The following ADAMTSL1 variants were observed in gnomAD, a reference collection of about 807,000 sequenced individuals.
The protein encoded by ADAMTSL1 is ADAMTS like 1, also known as ADAMTS-like protein 1.
A neutral mutation model predicts 201.8 loss-of-function variants in ADAMTSL1; 126 were observed. That is an observed-to-expected ratio of 0.62 (90% CI 0.54 to 0.72). ADAMTSL1 has a LOEUF of 0.72. Among genes scored for constraint, ADAMTSL1 ranks in the 30% least tolerant of loss-of-function variants. The probability of loss-of-function intolerance (pLI) is 0.00; values close to 1 mark genes in which losing one functional copy is unlikely to be tolerated. For missense variants in ADAMTSL1, 2,679 were observed against 2,277.8 expected, an observed-to-expected ratio of 1.18 and a Z score of -3.59; for synonymous variants, 1,121 against 903.4, an observed-to-expected ratio of 1.24 and a Z score of -4.32.
chr9:18,075,698 A>G (rs1255075266), intron 1 of ADAMTSL1, among the ~76,000 whole-genome samples: 1 of 152,208 alleles, frequency 6.6e-6, no homozygotes, highest in Non-Finnish European at 1.5e-5. Flanking sequence ...GAAAGAAAGT[A>G]ACATCCTTGG....
At chr9:18,281,943 G>A (rs10810943) in intron 2 of ADAMTSL1, among the ~76,000 whole-genome samples, 106,712 of 152,108 alleles carry the variant, frequency 0.7, 37,572 homozygotes, top group South Asian at 0.79. Context: ...TCTTTGACCC[G>A]TAGGTTATTT....
chr9:18,096,383 G>C (rs899425385), intron 1 of ADAMTSL1, among the ~76,000 whole-genome samples: 4 of 151,926 alleles, frequency 2.6e-5, no homozygotes, highest in African/African-American at 7.3e-5. Context: ...CATTTCTTTA[G>C]ACCAACATTG....
At chr9:18,275,720 C>A (rs1832561342) in intron 2 of ADAMTSL1, among the ~76,000 whole-genome samples, 1 of 152,038 alleles carries the variant, frequency 6.6e-6, no homozygotes, top group African/African-American at 2.4e-5. Flanking sequence ...AGTAGTATTT[C>A]ATTGTTTAGA....
At chr9:18,187,778 T>C (rs1828803320) in intron 2 of ADAMTSL1, among the ~76,000 whole-genome samples, 1 of 152,020 alleles carries the variant, frequency 6.6e-6, no homozygotes, top group Non-Finnish European at 1.5e-5. Flanking sequence ...GGAAGGAAAA[T>C]GAAAGTTATT....
At chr9:18,607,623 A>G (rs890531242) in intron 4 of ADAMTSL1, among the ~76,000 whole-genome samples, 2 of 152,160 alleles carry the variant, frequency 1.3e-5, no homozygotes, top group African/African-American at 4.8e-5. Flanking sequence ...CATGTGCACA[A>G]CATGCAGGTT....
chr9:18,365,376 T>G (rs919666057), intron 2 of ADAMTSL1, among the ~76,000 whole-genome samples: 3 of 152,172 alleles, frequency 2.0e-5, no homozygotes, highest in Non-Finnish European at 4.4e-5. Context: ...TGCATTCATA[T>G]GTAGAAAAAC....
intron 2 of ADAMTSL1, among the ~76,000 whole-genome samples, chr9:18,310,445 T>C (rs1834101128): frequency 7.0e-6 from 1 of 142,520 alleles, no homozygotes; most frequent in African/African-American, 2.6e-5. Flanking sequence ...GAGAAAAATT[T>C]TGCAATCTAT....
At chr9:18,533,107 A>G (rs1046068204) in intron 2 of ADAMTSL1, 140 bp from the exon 3 acceptor site, 6 of 554,850 alleles carry the variant, frequency 1.1e-5, no homozygotes, top group Non-Finnish European at 1.8e-5. Flanking sequence ...TTGATTTTTA[A>G]TAGTAAACCC....
At chr9:18,396,297 C>A (rs887416078) in intron 2 of ADAMTSL1, among the ~76,000 whole-genome samples, 2 of 152,038 alleles carry the variant, frequency 1.3e-5, no homozygotes, top group Admixed American at 1.3e-4. Flanking sequence ...TGTCAGGGTG[C>A]CCCCTCCTGG....
intron 23 of ADAMTSL1, among the ~76,000 whole-genome samples, chr9:18,879,417 G>C (rs1828384417): frequency 6.6e-6 from 1 of 152,058 alleles, no homozygotes; most frequent in African/African-American, 2.4e-5. Context: ...ACTGATCTTA[G>C]CCTTGATAAG....
intron 1 of ADAMTSL1, among the ~76,000 whole-genome samples, chr9:18,162,642 C>T (rs1389523280): frequency 6.6e-6 from 1 of 151,858 alleles, no homozygotes; most frequent in Admixed American, 6.6e-5. Context: ...TTCCAAAAGA[C>T]ATACGGTTTA....
At chr9:18,151,163 TA>T (rs1826893446) in intron 1 of ADAMTSL1, among the ~76,000 whole-genome samples, 1 of 152,052 alleles carries the variant, frequency 6.6e-6, no homozygotes, top group South Asian at 2.1e-4. Flanking sequence ...TCTGTGACCT[TA>T]ATGCATGATC....
intron 4 of ADAMTSL1, among the ~76,000 whole-genome samples, chr9:18,579,351 G>C (rs1453166418): frequency 8.0e-6 from 1 of 124,776 alleles, no homozygotes; most frequent in Non-Finnish European, 1.7e-5. Context: ...GTGGTGGGGA[G>C]GGGGGAGGGG....
intron 2 of ADAMTSL1, among the ~76,000 whole-genome samples, chr9:18,428,612 A>AC (rs1819340587): frequency 6.6e-6 from 1 of 152,146 alleles, no homozygotes; most frequent in Admixed American, 6.5e-5. Context: ...GTCTCAAAAA[A>AC]GAAAAAAACA....
At chr9:18,021,558 G>A (rs187668371) in intron 1 of ADAMTSL1, among the ~76,000 whole-genome samples, 376 of 152,146 alleles carry the variant, frequency 2.5e-3, no homozygotes, top group Admixed American at 5.0e-3. Context: ...CGATTGTGTC[G>A]TGGTTCCATG....
chr9:17,956,114 T>G (rs1168594892), intron 1 of ADAMTSL1, among the ~76,000 whole-genome samples: 1 of 152,208 alleles, frequency 6.6e-6, no homozygotes, highest in Non-Finnish European at 1.5e-5. Context: ...TCCATGGAAC[T>G]AATATTATGC....
At chr9:18,194,100 G>GA (rs765248084) in intron 2 of ADAMTSL1, among the ~76,000 whole-genome samples, 81 of 151,552 alleles carry the variant, frequency 5.3e-4, no homozygotes, top group East Asian at 1.6e-3. Flanking sequence ...ACTGTAACTG[G>GA]AAAAAAAATA....
chr9:18,136,628 G>A (rs2131987346), intron 1 of ADAMTSL1, among the ~76,000 whole-genome samples: 1 of 152,110 alleles, frequency 6.6e-6, no homozygotes, highest in East Asian at 1.9e-4. Context: ...TAAGATTTAT[G>A]TGGAACATTA....
At chr9:18,169,536 G>T (rs557302993) in intron 2 of ADAMTSL1, among the ~76,000 whole-genome samples, 5 of 152,100 alleles carry the variant, frequency 3.3e-5, no homozygotes, top group African/African-American at 1.2e-4. Flanking sequence ...TAGCCTTGTA[G>T]TATAGTTTGA....
Sources: allele counts gnomAD v4.1 joint callset (sites outside exome capture counted in the v4.1 genomes callset), GRCh38; gene constraint gnomAD v4.1.1; transcripts MANE v1.5; gene names NCBI Gene and HGNC (gene_info 2026-07-23, HGNC 2026-07-21).